PECAM1: variants seen among roughly 807,000 people sequenced by gnomAD.
PECAM1 encodes platelet and endothelial cell adhesion molecule 1, also known as platelet endothelial cell adhesion molecule.
Under a neutral mutation model 13.8 loss-of-function variants are expected in PECAM1, and 8 were observed. The ratio of observed to expected loss-of-function variants is 0.58; its 90% confidence interval spans 0.34 to 1.05. The LOEUF (loss-of-function observed/expected upper bound fraction) is 1.05. PECAM1 is among the 50% of genes least tolerant of loss of function. The pLI, the probability that PECAM1 is intolerant of heterozygous loss-of-function variation, is 0.03. For missense variants in PECAM1, 304 were observed against 141.2 expected (o/e 2.15, Z -5.84); for synonymous variants, 136 against 52.6 (o/e 2.58, Z -6.86).
chr17:64,358,714 G>A (rs1287004123), intron 7 of PECAM1, among the ~76,000 whole-genome samples: 2 of 151,868 alleles, frequency 1.3e-5, no homozygotes, highest in African/African-American at 2.4e-5. Context: ...GAGAGCTTGT[G>A]TTTCTTACCA....
chr17:64,350,249 G>A (rs1033716522), intron 12 of PECAM1, 131 bp downstream of exon 12: 6 of 384,754 alleles, frequency 1.6e-5, no homozygotes, highest in Non-Finnish European at 2.9e-5. Flanking sequence ...TTGACACATC[G>A]GCTGGGTACA....
intron 14 of PECAM1, among the ~76,000 whole-genome samples, chr17:64,333,227 C>T (rs1459173735): frequency 6.6e-6 from 1 of 152,048 alleles, no homozygotes; most frequent in African/African-American, 2.4e-5. Context: ...GGGAGGTGGG[C>T]CTCTGGCTCA....
At chr17:64,343,034 C>T (rs2035474123) in intron 13 of PECAM1, among the ~76,000 whole-genome samples, 3 of 152,170 alleles carry the variant, frequency 2.0e-5, no homozygotes, top group African/African-American at 7.2e-5. Flanking sequence ...GCTCCTGTCA[C>T]CTGCACAAAG....
At chr17:64,368,082 C>T (rs1361405314) in intron 5 of PECAM1, among the ~76,000 whole-genome samples, 1 of 152,178 alleles carries the variant, frequency 6.6e-6, no homozygotes, top group Non-Finnish European at 1.5e-5. Context: ...AATGCAGACA[C>T]ATGAGAACCC....
At chr17:64,341,339 A>T (rs1336632205) in intron 14 of PECAM1, among the ~76,000 whole-genome samples, 1 of 152,128 alleles carries the variant, frequency 6.6e-6, no homozygotes, top group African/African-American at 2.4e-5. Flanking sequence ...AAAACACTCG[A>T]CGTCCAAGAC....
intron 12 of PECAM1, among the ~76,000 whole-genome samples, chr17:64,349,330 G>C (rs1386204021): frequency 2.0e-5 from 3 of 152,188 alleles, no homozygotes; most frequent in African/African-American, 7.2e-5. Context: ...GCTCATGCCT[G>C]TAATCCCAGC....
chr17:64,332,229 A>G (rs2035142315), intron 14 of PECAM1, among the ~76,000 whole-genome samples: 1 of 152,134 alleles, frequency 6.6e-6, no homozygotes, highest in Non-Finnish European at 1.5e-5. Flanking sequence ...CCCAACGCTA[A>G]TGTTGAGCCA....
chr17:64,342,106 C>T (rs1266404887), intron 13 of PECAM1, among the ~76,000 whole-genome samples: 2 of 151,130 alleles, frequency 1.3e-5, no homozygotes, highest in Non-Finnish European at 2.9e-5. Flanking sequence ...GCCAAGATTG[C>T]GCCACTGCAC....
At chr17:64,361,753 C>CAAAAAAAAAA (rs61144320) in intron 6 of PECAM1, among the ~76,000 whole-genome samples, 14 of 68,086 alleles carry the variant, frequency 2.1e-4, no homozygotes, top group African/African-American at 5.8e-4. Flanking sequence ...AACTCCATCT[C>CAAAAAAAAAA]AAAAAAAAAA....
At chr17:64,353,304 GGTACACACACACACACACAC>G (rs1481398671) in intron 10 of PECAM1, among the ~76,000 whole-genome samples, 167 bp downstream of exon 10, 3 of 144,130 alleles carry the variant, frequency 2.1e-5, no homozygotes, top group Admixed American at 1.3e-4. Context: ...CTTCCACGGA[GGTACACACACACACACACAC>G]ACACACACAC....
intron 14 of PECAM1, 52 bp from the exon 15 acceptor site, chr17:64,329,774 A>G: frequency 1.3e-6 from 1 of 747,242 alleles, no homozygotes; most frequent in South Asian, 1.4e-5. Flanking sequence ...ACCCAGTTCA[A>G]CTGCCCCAAC....
intron 5 of PECAM1, among the ~76,000 whole-genome samples, chr17:64,368,266 G>A (rs2036157420): frequency 6.6e-6 from 1 of 152,160 alleles, no homozygotes; most frequent in South Asian, 2.1e-4. Flanking sequence ...TCAGCGGCTT[G>A]CATTCTAGTG....
chr17:64,353,561 C>A, intron 9 of PECAM1, 43 bp from the exon 10 acceptor site: 2 of 459,960 alleles, frequency 4.3e-6, no homozygotes, highest in South Asian at 8.3e-5. Flanking sequence ...TATACAGTAC[C>A]CACATCCATA....
chr17:64,385,995 C>T (rs897776543), intron 2 of PECAM1, among the ~76,000 whole-genome samples: 16 of 152,110 alleles, frequency 1.1e-4, no homozygotes, highest in Non-Finnish European at 1.9e-4. Flanking sequence ...GTGACAGCAC[C>T]CAAGGCCAGT....
At chr17:64,358,357 G>A (rs1028037083) in intron 7 of PECAM1, among the ~76,000 whole-genome samples, 1 of 152,038 alleles carries the variant, frequency 6.6e-6, no homozygotes, top group Non-Finnish European at 1.5e-5. Flanking sequence ...GGGCTCAAGT[G>A]ATCCACCCCA....
intron 15 of PECAM1, 25 bp downstream of exon 15, chr17:64,329,675 T>G (rs1568002051): frequency 1.3e-6 from 1 of 752,606 alleles, no homozygotes; most frequent in Non-Finnish European, 2.5e-6. Context: ...CTTTTAAATA[T>G]AATGTATATG....
chr17:64,367,561 A>G (rs2036138412), intron 5 of PECAM1, among the ~76,000 whole-genome samples: 1 of 151,824 alleles, frequency 6.6e-6, no homozygotes, highest in African/African-American at 2.4e-5. Context: ...AAAAAAAAAA[A>G]AAAAAAGAAA....
intron 13 of PECAM1, among the ~76,000 whole-genome samples, chr17:64,342,161 A>AAAGAAGAAG (rs60163225): frequency 2.1e-5 from 3 of 145,164 alleles, no homozygotes; most frequent in African/African-American, 7.6e-5. Context: ...AAAAAAAAAA[A>AAAGAAGAAG]AAGAAGAAGA....
chr17:64,357,807 C>A (rs1364379040), intron 7 of PECAM1, among the ~76,000 whole-genome samples: 1 of 152,156 alleles, frequency 6.6e-6, no homozygotes, highest in Non-Finnish European at 1.5e-5. Context: ...CTACTGATAT[C>A]GACCCAGTTT....
Sources: allele counts gnomAD v4.1 joint callset (sites outside exome capture counted in the v4.1 genomes callset), GRCh38; gene constraint gnomAD v4.1.1; transcripts MANE v1.5; gene names NCBI Gene and HGNC (gene_info 2026-07-23, HGNC 2026-07-21).